HDAC9: variants seen among roughly 807,000 people sequenced by gnomAD.
The protein encoded by HDAC9 is histone deacetylase 9, also known as MEF-2 interacting transcription repressor (MITR) protein.
In HDAC9, 41 loss-of-function variants were observed where a neutral mutation model predicts 139.4. The observed-to-expected ratio is 0.29, with a 90% CI of 0.23 to 0.38. The LOEUF (loss-of-function observed/expected upper bound fraction) is 0.38. Ranked by LOEUF, HDAC9 falls within the 10% of genes least tolerant of loss-of-function variation. The pLI, the probability that HDAC9 is intolerant of heterozygous loss-of-function variation, is 1.00. For synonymous variants in HDAC9, 517 were observed against 476.2 expected, an observed-to-expected ratio of 1.09 and a Z score of -1.12; for missense variants, 1,147 against 1,297.0, an observed-to-expected ratio of 0.88 and a Z score of 1.78.
chr7:18,442,258 C>T (rs924835129), intron 1 of HDAC9, among the ~76,000 whole-genome samples: 1 of 152,168 alleles, frequency 6.6e-6, no homozygotes, highest in African/African-American at 2.4e-5. Context: ...TTTTCTACCC[C>T]TATGTATAAG....
At chr7:18,952,924 G>A (rs1782901340) in intron 23 of HDAC9, among the ~76,000 whole-genome samples, 1 of 151,248 alleles carries the variant, frequency 6.6e-6, no homozygotes, top group Admixed American at 6.6e-5. Context: ...GTTATAGTTA[G>A]TGAATTTACC....
At chr7:18,989,540 G>A (rs1182351862) in intron 25 of HDAC9, among the ~76,000 whole-genome samples, 1 of 149,884 alleles carries the variant, frequency 6.7e-6, no homozygotes, top group African/African-American at 2.5e-5. Flanking sequence ...TCTTGGAGTT[G>A]CTCTTCTTGA....
At chr7:18,147,294 G>A (rs1285799717) in intron 1 of HDAC9, among the ~76,000 whole-genome samples, 1 of 152,124 alleles carries the variant, frequency 6.6e-6, no homozygotes, top group East Asian at 1.9e-4. Context: ...AGATGAAATT[G>A]CTTAAAATAA....
At chr7:18,189,118 C>A (rs192522749) in intron 2 of HDAC9, among the ~76,000 whole-genome samples, 1,998 of 152,120 alleles carry the variant, frequency 0.013, 43 homozygotes, top group African/African-American at 0.045. Context: ...GATAGACTGG[C>A]TAAAGAAAAT....
chr7:18,168,756 C>T (rs757107719), intron 2 of HDAC9, among the ~76,000 whole-genome samples: 17 of 151,898 alleles, frequency 1.1e-4, no homozygotes, highest in African/African-American at 2.9e-4. Flanking sequence ...AGAATGTCAA[C>T]GTATAGCAGT....
In HDAC9 at chr7:18,829,464, G is replaced by A. The variant is rs749391348; in HGVS notation, c.2382G>A (p.Gly794=). 1.0e-5 allele frequency: 16 copies of A among 1,606,754 alleles called. No homozygotes were observed. The highest frequency in any genetic ancestry group is 1.3e-5 in the Non-Finnish European group (15 of 1,173,630). ...GHHAEESTAM[G]FCFFNSVAIT... Reference sequence around the variant, plus strand: ...TCTGTTCTTCTCTATTCCGCAGGGGGTTCTGCTTTTTTAATTCAGTTGCAA... The same window carrying A: ...TCTGTTCTTCTCTATTCCGCAGGGGATTCTGCTTTTTTAATTCAGTTGCAA... Residue 794 remains glycine (G), a synonymous_variant, in exon 19 of 26, where the codon GGG becomes GGA. Coordinates refer to ENST00000686413, the MANE Select transcript of HDAC9 (RefSeq NM_178425.4).
Position 18,531,771 on chromosome 7 carries a change from C to T in HDAC9, c.22+35447C>T, listed in dbSNP as rs530672564. On this transcript the variant is annotated intron_variant, in intron 2 of 25. Transcript: ENST00000686413. Reference sequence around the variant, plus strand: ...AGCAAAACTCAATACCCTTAACCTCCGAGAACCACACTTCTACTGTTGGAG... The same window carrying T: ...AGCAAAACTCAATACCCTTAACCTCTGAGAACCACACTTCTACTGTTGGAG... Among the ~76,000 whole-genome samples, 9 of 152,062 alleles carry T rather than the reference C, an allele frequency of 5.9e-5. No individual in the cohort carries two copies. The South Asian group carries it at 1.5e-3, about 25-fold the overall frequency.
At chr7:18,334,412 T>A (rs1781433867) in intron 1 of HDAC9, among the ~76,000 whole-genome samples, 1 of 151,482 alleles carries the variant, frequency 6.6e-6, no homozygotes, top group Non-Finnish European at 1.5e-5. Flanking sequence ...GATAAAAAGC[T>A]ATTCCTGCAG....
At chr7:18,124,791 C>G (rs973002263) in intron 1 of HDAC9, among the ~76,000 whole-genome samples, 1 of 152,190 alleles carries the variant, frequency 6.6e-6, no homozygotes, top group Non-Finnish European at 1.5e-5. Context: ...TCCATATTGC[C>G]CATTCTAGAG....
intron 1 of HDAC9, among the ~76,000 whole-genome samples, chr7:18,146,391 A>G (rs998260941): frequency 1.3e-5 from 2 of 152,150 alleles, no homozygotes; most frequent in African/African-American, 4.8e-5. Flanking sequence ...TGAGACATAA[A>G]TTTATTTGGG....
At chr7:18,819,045 T>C (rs1436483266) in intron 17 of HDAC9, among the ~76,000 whole-genome samples, 1 of 151,952 alleles carries the variant, frequency 6.6e-6, no homozygotes, top group Non-Finnish European at 1.5e-5. Flanking sequence ...TTTAGGAGAC[T>C]GAGGTGGGTG....
chr7:18,810,521 C>T (rs1306562543), intron 17 of HDAC9, among the ~76,000 whole-genome samples: 1 of 151,830 alleles, frequency 6.6e-6, no homozygotes, highest in Non-Finnish European at 1.5e-5. Flanking sequence ...TCGATGATAT[C>T]ATTTATTTTT....
At chr7:18,647,439 T>A (rs77137451) in intron 9 of HDAC9, among the ~76,000 whole-genome samples, 7,735 of 152,180 alleles carry the variant, frequency 0.051, 617 homozygotes, top group African/African-American at 0.17. Flanking sequence ...ACATGTACAA[T>A]ATATTGTTAT....
intron 1 of HDAC9, among the ~76,000 whole-genome samples, chr7:18,381,131 A>G (rs1433209118): frequency 7.0e-6 from 1 of 142,892 alleles, no homozygotes; most frequent in Non-Finnish European, 1.5e-5. Context: ...CCCAGGAGGC[A>G]GCGGTTGCAA....
intron 1 of HDAC9, among the ~76,000 whole-genome samples, chr7:18,454,800 G>T (rs1180496078): frequency 6.6e-6 from 1 of 151,960 alleles, no homozygotes; most frequent in East Asian, 1.9e-4. Context: ...TAACTGTTTT[G>T]TTGTTCTAAT....
chr7:18,332,620 A>T (rs1471641808), intron 1 of HDAC9, among the ~76,000 whole-genome samples: 2 of 151,628 alleles, frequency 1.3e-5, no homozygotes, highest in African/African-American at 4.8e-5. Context: ...TAGGTGTGGA[A>T]TGGCAGTCAA....
At chr7:18,648,721 A>T (rs758643960) in intron 11 of HDAC9, 38 bp downstream of exon 11, 3 of 1,557,936 alleles carry the variant, frequency 1.9e-6, no homozygotes, top group Non-Finnish European at 2.6e-6. Flanking sequence ...TCTAACCGCC[A>T]GTTTGGAAAT....
At chr7:18,540,899 G>A (rs907909859) in intron 2 of HDAC9, among the ~76,000 whole-genome samples, 1 of 152,024 alleles carries the variant, frequency 6.6e-6, no homozygotes, top group South Asian at 2.1e-4. Flanking sequence ...CATGATTCTC[G>A]TAAGAATTTT....
At chr7:18,673,111 A>G (rs1262514748) in intron 12 of HDAC9, among the ~76,000 whole-genome samples, 2 of 151,976 alleles carry the variant, frequency 1.3e-5, no homozygotes, top group African/African-American at 2.4e-5. Context: ...CAGTTTTACT[A>G]ATTACAGTTG....
Sources: gnomAD v4.1 joint callset for allele counts (sites outside exome capture counted in the v4.1 genomes callset) on GRCh38, gnomAD v4.1.1 for gene constraint, MANE v1.5 for transcripts, NCBI Gene and HGNC (gene_info 2026-07-23, HGNC 2026-07-21) for gene names.